Variants in PRR16 observed in about 807,000 individuals in gnomAD.
The protein encoded by PRR16 is protein Largen.
In PRR16, 6 loss-of-function variants were observed where a neutral mutation model predicts 18.2. That is an observed-to-expected ratio of 0.33 (90% CI 0.18 to 0.65). The LOEUF is 0.65. PRR16 is among the 30% of genes least tolerant of loss of function. The pLI, the probability that PRR16 is intolerant of heterozygous loss-of-function variation, is 0.74. For synonymous variants in PRR16, 151 were observed against 147.8 expected, an observed-to-expected ratio of 1.02 and a Z score of -0.16; for missense variants, 412 against 376.6, an observed-to-expected ratio of 1.09 and a Z score of -0.78.
intron 1 of PRR16, chr5:120,481,053 A>T (rs977110281): frequency 1.8e-6 from 2 of 1,091,962 alleles, no homozygotes; most frequent in African/African-American, 3.4e-5. Context: ...TATAAAGTAC[A>T]TGGCAGGCAA....
At chr5:120,511,313 CA>C (rs1750817938) in intron 1 of PRR16, among the ~76,000 whole-genome samples, 1 of 152,034 alleles carries the variant, frequency 6.6e-6, no homozygotes. Flanking sequence ...ATTTTTGGGC[CA>C]AAATGGACTC....
In PRR16 at chr5:120,507,262, G is replaced by T. The variant is rs1580662935; in HGVS notation, c.159+42617G>T. ...TATTTAAAGATTTCTACCCTTTAAG[G>T]CATTTTTATGTTATATATACCTATG... On this transcript the variant is annotated intron_variant, in intron 1 of 1. Coordinates refer to ENST00000407149, the MANE Select transcript of PRR16 (RefSeq NM_001300783.2). Among the ~76,000 whole-genome samples the T allele has an allele frequency of 2.6e-5, 4 of 152,106 alleles. No individual in the cohort carries two copies. In the South Asian group the frequency reaches 8.3e-4, roughly 32 times the overall value.
At chr5:120,736,733 C>T in the PRR16 span, among the ~76,000 whole-genome samples, 1 of 151,880 alleles carries the variant, frequency 6.6e-6, no homozygotes, top group Non-Finnish European at 1.5e-5. Flanking sequence ...CATTGGATGT[C>T]TTTCCGTTTA....
At chr5:120,481,379 C>A in intron 1 of PRR16, 1 of 310,194 alleles carries the variant, frequency 3.2e-6, no homozygotes, top group Non-Finnish European at 6.5e-6. Context: ...GATCTGTCTG[C>A]CTTAGCCTCC....
intron 1 of PRR16, among the ~76,000 whole-genome samples, chr5:120,669,336 G>A (rs550489573): frequency 2.6e-5 from 4 of 151,982 alleles, no homozygotes; most frequent in Non-Finnish European, 5.9e-5. Context: ...TTCCCTGCTT[G>A]ATGGTGGTGT....
chr5:120,578,951 CAT>C (rs1272508218), intron 1 of PRR16, among the ~76,000 whole-genome samples: 1 of 152,054 alleles, frequency 6.6e-6, no homozygotes, highest in Non-Finnish European at 1.5e-5. Flanking sequence ...TTCTGATTAG[CAT>C]GAGATGGTAT....
intron 1 of PRR16, among the ~76,000 whole-genome samples, chr5:120,554,050 A>G (rs181454031): frequency 1.2e-4 from 19 of 152,056 alleles, no homozygotes; most frequent in Non-Finnish European, 2.8e-4. Context: ...CACAGATAAT[A>G]CACAATCATG....
At chr5:120,716,301 G>C in the PRR16 span, among the ~76,000 whole-genome samples, 1 of 152,056 alleles carries the variant, frequency 6.6e-6, no homozygotes. Flanking sequence ...ATTTCCTCTT[G>C]TTCTTCGAAT....
At chr5:120,741,262 T>C in the PRR16 span, among the ~76,000 whole-genome samples, 3 of 152,132 alleles carry the variant, frequency 2.0e-5, no homozygotes, top group African/African-American at 7.2e-5. Flanking sequence ...TATTTTATTA[T>C]TGAGGCAGAG....
the PRR16 span, among the ~76,000 whole-genome samples, chr5:120,694,613 G>GA: frequency 6.0e-5 from 9 of 151,256 alleles, no homozygotes; most frequent in African/African-American, 9.7e-5. Context: ...GAACCCCAGG[G>GA]GGCGGAGCTT....
At chr5:120,467,243 T>C (rs2112793533) in intron 1 of PRR16, among the ~76,000 whole-genome samples, 1 of 152,284 alleles carries the variant, frequency 6.6e-6, no homozygotes, top group Admixed American at 6.5e-5. Context: ...AACTGCTATA[T>C]TTAGAATTCT....
rs142617593 is a variant in PRR16 at position 120,481,277 on chromosome 5, T to G, written c.159+16632T>G. ...ATTCTCCTGCCTCAGCCTGCCTCAG[T>G]GCGCCACTACGCCTGGGTAAGTTTT... On this transcript the variant is annotated intron_variant, in intron 1 of 1. Transcript: ENST00000407149. The G allele has an allele frequency of 1.3e-4, 59 of 457,390 alleles. No individual in the cohort carries two copies. The East Asian group carries it at 4.0e-3, about 31-fold the overall frequency. The allele number at this position is 457,390 out of a possible 1,614,324, so 28.3% of individuals were successfully genotyped here.
the PRR16 span, among the ~76,000 whole-genome samples, chr5:120,752,574 A>G: frequency 1.7e-4 from 26 of 152,072 alleles, no homozygotes; most frequent in Non-Finnish European, 2.6e-4. Context: ...ATTTTCCTTA[A>G]AAATTTCCTA....
the PRR16 span, among the ~76,000 whole-genome samples, chr5:120,705,876 G>C: frequency 6.6e-6 from 1 of 152,078 alleles, no homozygotes; most frequent in East Asian, 1.9e-4. Context: ...TAACACAAGA[G>C]ACCCTAAAAA....
At chr5:120,683,572 C>T (rs1281287860) in intron 1 of PRR16, among the ~76,000 whole-genome samples, 1 of 150,146 alleles carries the variant, frequency 6.7e-6, no homozygotes. Flanking sequence ...TCTAATTGTT[C>T]CCTGTTATTT....
At chr5:120,469,046 C>G (rs1749188325) in intron 1 of PRR16, among the ~76,000 whole-genome samples, 1 of 152,146 alleles carries the variant, frequency 6.6e-6, no homozygotes, top group African/African-American at 2.4e-5. Context: ...GGAAAGCACC[C>G]ATAATTTGTC....
chr5:120,605,858 C>A (rs1754135969), intron 1 of PRR16, among the ~76,000 whole-genome samples: 2 of 152,090 alleles, frequency 1.3e-5, no homozygotes, highest in African/African-American at 4.8e-5. Context: ...GTTTTCTGGT[C>A]CCTGGAGGTC....
rs73784574 is a variant in PRR16 at position 120,525,506 on chromosome 5, G to T, written c.159+60861G>T. Reference sequence around the variant, plus strand: ...TTACTATAAATAAATATATTAAATAGAAGTTTTATATAATACTGATCAGTT... The same window carrying T: ...TTACTATAAATAAATATATTAAATATAAGTTTTATATAATACTGATCAGTT... On this transcript the variant is annotated intron_variant, in intron 1 of 1. Coordinates refer to ENST00000407149, the MANE Select transcript of PRR16 (RefSeq NM_001300783.2). Among the ~76,000 whole-genome samples, 712 of 151,528 alleles carry T rather than the reference G, an allele frequency of 4.7e-3. 6 individuals carry two copies. Among genetic ancestry groups the T allele is most frequent in the African/African-American group, 0.017 (684 of 41,346 alleles).
chr5:120,653,234 G>GA (rs930744464), intron 1 of PRR16, among the ~76,000 whole-genome samples: 4 of 149,402 alleles, frequency 2.7e-5, no homozygotes, highest in African/African-American at 4.9e-5. Context: ...GTTCACCTTG[G>GA]AAAAAAAACA....
Sources: gnomAD v4.1 joint callset for allele counts (sites outside exome capture counted in the v4.1 genomes callset) on GRCh38, gnomAD v4.1.1 for gene constraint, MANE v1.5 for transcripts, NCBI Gene and HGNC (gene_info 2026-07-23, HGNC 2026-07-21) for gene names.